IL1RAP: variants seen among roughly 807,000 people sequenced by gnomAD.
IL1RAP encodes the protein interleukin-1 receptor accessory protein.
IL1RAP carries 35 observed loss-of-function variants against 60.7 expected under a neutral mutation model. That is an observed-to-expected ratio of 0.58 (90% confidence interval 0.44 to 0.76). The LOEUF (loss-of-function observed/expected upper bound fraction) is 0.76, where lower values mean the gene tolerates loss of function less well. Among genes scored for constraint, IL1RAP ranks in the 30% least tolerant of loss-of-function variants. The probability of loss-of-function intolerance (pLI) is 0.00; values close to 1 mark genes in which losing one functional copy is unlikely to be tolerated. For synonymous variants in IL1RAP, 268 were observed against 250.9 expected (o/e 1.07, Z -0.64); for missense variants, 572 against 693.9 (o/e 0.82, Z 1.97).
intron 1 of IL1RAP, among the ~76,000 whole-genome samples, chr3:190,531,698 C>T (rs1380888243): frequency 2.6e-5 from 4 of 152,206 alleles, no homozygotes; most frequent in South Asian, 2.1e-4. Flanking sequence ...ACTTCAACAG[C>T]CAGCAGCAAG....
At chr3:190,624,305 A>G (rs1194174147) in intron 7 of IL1RAP, among the ~76,000 whole-genome samples, 1 of 152,268 alleles carries the variant, frequency 6.6e-6, no homozygotes, top group Non-Finnish European at 1.5e-5. Context: ...ATAACAGGGT[A>G]ACATCCGTCC....
chr3:190,601,517 C>G (rs1413781275), intron 3 of IL1RAP, among the ~76,000 whole-genome samples: 1 of 152,134 alleles, frequency 6.6e-6, no homozygotes, highest in African/African-American at 2.4e-5. Flanking sequence ...TGTTAAATTT[C>G]CCCGAGCTTT....
chr3:190,570,079 A>G (rs1726781142), intron 3 of IL1RAP, among the ~76,000 whole-genome samples: 1 of 152,242 alleles, frequency 6.6e-6, no homozygotes. Flanking sequence ...AGAAAATAAA[A>G]TATATACCCA....
chr3:190,648,202 C>T (rs1397198938), intron 11 of IL1RAP, 136 bp from the exon 12 acceptor site: 2 of 1,105,616 alleles, frequency 1.8e-6, no homozygotes, highest in Non-Finnish European at 2.6e-6. Flanking sequence ...TTAAGTTGTT[C>T]ACATTTTTGC....
chr3:190,601,048 G>A lies in IL1RAP; in HGVS notation c.65-3080G>A, dbSNP rs539229923. 2.2e-4 allele frequency among the ~76,000 whole-genome samples: 34 copies of A among 152,184 alleles called. No individual in the cohort carries two copies. The South Asian group carries it at 6.2e-3, about 28-fold the overall frequency. On this transcript the variant is annotated intron_variant, in intron 3 of 11. Coordinates refer to ENST00000447382, the MANE Select transcript of IL1RAP (RefSeq NM_002182.4). ...CACCCAGGCTGGAGTGCAGTGGCAC[G>A]ATCTCAGCTCACTGCAACCTCTGCC...
intron 7 of IL1RAP, 129 bp from the exon 8 acceptor site, chr3:190,627,194 A>T: frequency 1.4e-6 from 1 of 714,364 alleles, no homozygotes; most frequent in Non-Finnish European, 2.3e-6. Context: ...GATTAGCCAG[A>T]GAGTAGAACC....
Position 190,650,046 on chromosome 3 carries a change from C to A in IL1RAP, c.*1341C>A. The A allele has an allele frequency of 1.7e-6, 1 of 600,086 alleles. No individual in the cohort carries two copies. Among genetic ancestry groups the A allele is most frequent in the Non-Finnish European group, 2.1e-6 (1 of 479,256 alleles). 37.2% of individuals were successfully genotyped at this position (600,086 alleles called of 1,614,324 possible). ...ATTACATATATCTGTGTATATAAAT[C>A]CACATGCACATGAAATATATATATA... On this transcript the variant is annotated 3_prime_UTR_variant, in exon 12 of 12. Coordinates refer to ENST00000447382, the MANE Select transcript of IL1RAP (RefSeq NM_002182.4).
At chr3:190,515,574 C>T (rs1398597385) in intron 1 of IL1RAP, among the ~76,000 whole-genome samples, 1 of 151,410 alleles carries the variant, frequency 6.6e-6, no homozygotes, top group Non-Finnish European at 1.5e-5. Flanking sequence ...GGATGCTTAG[C>T]TCGAAATGTA....
chr3:190,555,631 TG>T (rs1725348708), intron 1 of IL1RAP, among the ~76,000 whole-genome samples: 1 of 152,242 alleles, frequency 6.6e-6, no homozygotes, highest in African/African-American at 2.4e-5. Context: ...GCAGTTGTTT[TG>T]TAGAATGTTC....
intron 9 of IL1RAP, among the ~76,000 whole-genome samples, chr3:190,642,695 T>C (rs1733743007): frequency 6.6e-6 from 1 of 152,184 alleles, no homozygotes; most frequent in South Asian, 2.1e-4. Context: ...CACTAATCAC[T>C]ATTTAAAATT....
intron 3 of IL1RAP, among the ~76,000 whole-genome samples, chr3:190,580,629 T>C (rs936699232): frequency 6.6e-6 from 1 of 152,166 alleles, no homozygotes; most frequent in Non-Finnish European, 1.5e-5. Context: ...GAATGGTGGT[T>C]GCCAGAGGCT....
At chr3:190,570,782 T>A (rs1726851488) in intron 3 of IL1RAP, among the ~76,000 whole-genome samples, 1 of 152,110 alleles carries the variant, frequency 6.6e-6, no homozygotes, top group Non-Finnish European at 1.5e-5. Context: ...GTCGGGTTGG[T>A]CTGGAACTCC....
At chr3:190,647,907 G>C (rs1014352348) in intron 11 of IL1RAP, among the ~76,000 whole-genome samples, 1 of 152,090 alleles carries the variant, frequency 6.6e-6, no homozygotes, top group South Asian at 2.1e-4. Flanking sequence ...GTGTCCATTG[G>C]TACTAGAGAG....
At chr3:190,552,508 C>T (rs983994564) in intron 1 of IL1RAP, among the ~76,000 whole-genome samples, 2 of 152,144 alleles carry the variant, frequency 1.3e-5, no homozygotes, top group African/African-American at 2.4e-5. Context: ...ATTAAAGTCA[C>T]GTGAACTGAA....
chr3:190,637,613 G>C (rs1733324655), intron 9 of IL1RAP, among the ~76,000 whole-genome samples: 1 of 152,016 alleles, frequency 6.6e-6, no homozygotes, highest in Non-Finnish European at 1.5e-5. Flanking sequence ...TCTTTTCTAG[G>C]TAAAATTTGC....
In IL1RAP at chr3:190,587,864, A is replaced by G. The variant is rs73200012; in HGVS notation, c.65-16264A>G. ...GCCCAATAGCTCTGTGAGCTTCCCAATTCACTCTCTGAACCTCTCTTTCAA... is the reference window on the plus strand; with the variant it reads ...GCCCAATAGCTCTGTGAGCTTCCCAGTTCACTCTCTGAACCTCTCTTTCAA... On this transcript the variant is annotated intron_variant, in intron 3 of 11. Transcript: ENST00000447382. Among the ~76,000 whole-genome samples, 440 of 152,308 alleles carry G rather than the reference A, an allele frequency of 2.9e-3. 3 individuals are homozygous for G. Among genetic ancestry groups the G allele is most frequent in the South Asian group, 0.023 (111 of 4,830 alleles).
chr3:190,653,349 C>G (rs754551781), downstream of IL1RAP, among the ~76,000 whole-genome samples: 8 of 152,148 alleles, frequency 5.3e-5, no homozygotes, highest in African/African-American at 1.7e-4. Context: ...ATCAGCCCTA[C>G]GAGTTTACTT....
chr3:190,630,205 G>C, intron 9 of IL1RAP: 1 of 763,216 alleles, frequency 1.3e-6, no homozygotes, highest in Non-Finnish European at 1.6e-6. Flanking sequence ...GTATAAACAT[G>C]ATTTCTATGT....
chr3:190,587,416 A>G (rs990450772), intron 3 of IL1RAP, among the ~76,000 whole-genome samples: 1 of 152,232 alleles, frequency 6.6e-6, no homozygotes, highest in Non-Finnish European at 1.5e-5. Flanking sequence ...CGTATAGAAA[A>G]CACTCACAAT....
Sources: gnomAD v4.1 joint callset for allele counts (sites outside exome capture counted in the v4.1 genomes callset) on GRCh38, gnomAD v4.1.1 for gene constraint, MANE v1.5 for transcripts, NCBI Gene and HGNC (gene_info 2026-07-23, HGNC 2026-07-21) for gene names.